GPHN: variants seen among roughly 807,000 people sequenced by gnomAD.
GPHN encodes the protein gephyrin.
A neutral mutation model predicts 95.5 loss-of-function variants in GPHN; 17 were observed. The ratio of observed to expected loss-of-function variants is 0.18; its 90% confidence interval spans 0.12 to 0.27. The LOEUF (loss-of-function observed/expected upper bound fraction) is 0.27. Among genes scored for constraint, GPHN ranks in the 10% least tolerant of loss-of-function variants. The pLI is 1.00. For synonymous variants in GPHN, 320 were observed against 322.5 expected, an observed-to-expected ratio of 0.99 and a Z score of 0.08; for missense variants, 660 against 978.1, an observed-to-expected ratio of 0.67 and a Z score of 4.34.
chr14:66,803,413 G>A (rs370395621), intron 3 of GPHN, among the ~76,000 whole-genome samples: 3 of 152,282 alleles, frequency 2.0e-5, no homozygotes, highest in East Asian at 3.9e-4. Context: ...TGAGTTTTAC[G>A]AAGGTACTTT....
chr14:67,161,768 T>C (rs909701830), intron 19 of GPHN, among the ~76,000 whole-genome samples: 6 of 152,102 alleles, frequency 3.9e-5, no homozygotes, highest in African/African-American at 1.4e-4. Flanking sequence ...AAAAAATTAA[T>C]TGATTGTTCT....
chr14:66,853,891 A>G (rs2062695252), intron 4 of GPHN, among the ~76,000 whole-genome samples: 2 of 152,214 alleles, frequency 1.3e-5, no homozygotes. Flanking sequence ...AGAGTATTAA[A>G]AGCATGGCAA....
At chr14:66,609,663 A>C (rs1380169489) in intron 1 of GPHN, among the ~76,000 whole-genome samples, 1 of 152,086 alleles carries the variant, frequency 6.6e-6, no homozygotes, top group Non-Finnish European at 1.5e-5. Flanking sequence ...GTCTAAGTTG[A>C]ATTGAAAGAA....
the GPHN span, among the ~76,000 whole-genome samples, chr14:67,216,883 G>A: frequency 6.6e-6 from 1 of 152,094 alleles, no homozygotes; most frequent in Non-Finnish European, 1.5e-5. Flanking sequence ...AATGTGTACT[G>A]TGCAGCTGTT....
At chr14:67,101,531 G>A (rs2077695610) in intron 13 of GPHN, among the ~76,000 whole-genome samples, 1 of 151,254 alleles carries the variant, frequency 6.6e-6, no homozygotes, top group African/African-American at 2.4e-5. Context: ...TCAATAATTT[G>A]ATGAAGAACC....
At chr14:66,783,487 A>G (rs1471766170) in intron 3 of GPHN, among the ~76,000 whole-genome samples, 5 of 152,202 alleles carry the variant, frequency 3.3e-5, no homozygotes, top group Non-Finnish European at 5.9e-5. Context: ...ATCCCCATTC[A>G]GTATCAGTGA....
the GPHN span, among the ~76,000 whole-genome samples, chr14:67,296,585 CAAAAAAAAAAAAAA>C: frequency 1.0e-3 from 52 of 51,018 alleles, no homozygotes; most frequent in African/African-American, 1.9e-3. Flanking sequence ...AACTCTGTCT[CAAAAAAAAAAAAAA>C]AAAAAAAAAA....
intron 1 of GPHN, among the ~76,000 whole-genome samples, chr14:66,509,759 A>AT (rs1555369619): frequency 2.0e-5 from 3 of 152,022 alleles, no homozygotes; most frequent in Non-Finnish European, 4.4e-5. Context: ...TCTTTTTTTA[A>AT]TTTTTTCTTT....
Position 66,781,087 on chromosome 14 carries a change from A to G in GPHN, c.201+4566A>G, listed in dbSNP as rs531413561. Among the ~76,000 whole-genome samples, 15 of 152,288 alleles carry G rather than the reference A, an allele frequency of 9.8e-5. No individual in the cohort carries two copies. In the East Asian group the frequency reaches 2.9e-3, roughly 29 times the overall value. On this transcript the variant is annotated intron_variant, in intron 3 of 22. Coordinates refer to ENST00000478722, the MANE Select transcript of GPHN (RefSeq NM_020806.5). Reference sequence around the variant, plus strand: ...TTCATAAATTTTTTCAATTACACGTATATTTATTGATTGTAATAAATCACT... The same window carrying G: ...TTCATAAATTTTTTCAATTACACGTGTATTTATTGATTGTAATAAATCACT...
At chr14:67,091,296 A>C (rs2077137719) in intron 12 of GPHN, among the ~76,000 whole-genome samples, 5 of 152,104 alleles carry the variant, frequency 3.3e-5, no homozygotes, top group Admixed American at 1.3e-4. Context: ...TTTCAAATTG[A>C]TTCCTTCTAC....
the GPHN span, chr14:67,600,386 C>A: frequency 3.6e-6 from 2 of 548,336 alleles, no homozygotes; most frequent in African/African-American, 2.0e-5. Context: ...TCTTCCGGGC[C>A]GGCCTTGACT....
chr14:67,199,007 G>A, the GPHN span: 16 of 707,908 alleles, frequency 2.3e-5, no homozygotes, highest in South Asian at 2.4e-4. Context: ...GGGTGACAAG[G>A]GAGGACAACA....
intron 1 of GPHN, among the ~76,000 whole-genome samples, chr14:66,660,846 A>G (rs759440849): frequency 1.6e-4 from 25 of 152,168 alleles, no homozygotes; most frequent in Non-Finnish European, 3.4e-4. Flanking sequence ...TGGATACAAG[A>G]GAACCTACCC....
At chr14:67,722,847 G>A in the GPHN span, 2 of 795,462 alleles carry the variant, frequency 2.5e-6, no homozygotes, top group East Asian at 5.2e-5. Flanking sequence ...GGAAGGAAGG[G>A]GGTGTTGTGG....
At chr14:67,681,279 A>G in the GPHN span, among the ~76,000 whole-genome samples, 2 of 152,258 alleles carry the variant, frequency 1.3e-5, no homozygotes, top group Non-Finnish European at 2.9e-5. Context: ...TTGATCTTGG[A>G]CTTTCAGTCT....
chr14:66,920,754 A>G (rs1046453378), intron 6 of GPHN, among the ~76,000 whole-genome samples: 4 of 151,572 alleles, frequency 2.6e-5, no homozygotes, highest in African/African-American at 9.7e-5. Flanking sequence ...ACTCTTTCCC[A>G]TAAATTCCCA....
At chr14:67,247,788 A>G in the GPHN span, among the ~76,000 whole-genome samples, 6 of 152,074 alleles carry the variant, frequency 3.9e-5, no homozygotes, top group Non-Finnish European at 8.8e-5. Context: ...CATGTTGCCC[A>G]GGCTGGTCTC....
In GPHN at chr14:67,181,277, A is replaced by G. The variant is rs1446632507; in HGVS notation, c.*340A>G. The G allele has an allele frequency of 2.2e-6, 1 of 444,780 alleles. No homozygotes were observed. The highest frequency in any genetic ancestry group is 3.6e-5 in the Admixed American group (1 of 27,744). 27.6% of individuals were successfully genotyped at this position (444,780 alleles called of 1,614,324 possible). A position where few individuals can be genotyped will look rare whatever the true frequency, so the allele number is the denominator to read the frequency against. ...TTTTTCTCATCTTTAAAATACAACT[A>G]CTTATGCTCTTAAATCAAGGCTGTC... On this transcript the variant is annotated 3_prime_UTR_variant, in exon 23 of 23. Coordinates refer to ENST00000478722, the MANE Select transcript of GPHN (RefSeq NM_020806.5).
chr14:66,621,349 T>C (rs1278030629), intron 1 of GPHN, among the ~76,000 whole-genome samples: 3 of 151,180 alleles, frequency 2.0e-5, no homozygotes, highest in Non-Finnish European at 4.4e-5. Context: ...TCTCCTGACC[T>C]CGTGATCCAC....
Sources: allele counts gnomAD v4.1 joint callset (sites outside exome capture counted in the v4.1 genomes callset), GRCh38; gene constraint gnomAD v4.1.1; transcripts MANE v1.5; gene names NCBI Gene and HGNC (gene_info 2026-07-23, HGNC 2026-07-21).